DTD1: variants seen among roughly 807,000 people sequenced by gnomAD.
DTD1 encodes the protein D-tyrosyl-tRNA deacylase 1 homolog.
A neutral mutation model predicts 25.6 loss-of-function variants in DTD1; 13 were observed. That is an observed-to-expected ratio of 0.51 (90% CI 0.33 to 0.81). The LOEUF is 0.81. DTD1 is among the 30% of genes least tolerant of loss of function. The pLI is 0.02. For synonymous variants in DTD1, 110 were observed against 103.6 expected (o/e 1.06, Z -0.37); for missense variants, 193 against 266.4 (o/e 0.72, Z 1.92).
chr20:18,617,583 A>G (rs1255766947), intron 3 of DTD1, among the ~76,000 whole-genome samples: 2 of 152,014 alleles, frequency 1.3e-5, no homozygotes, highest in Non-Finnish European at 2.9e-5. Context: ...TTGAATAGGT[A>G]GTAGGATGAG....
In DTD1 at chr20:18,596,029, G is replaced by C. The variant is rs761352624; in HGVS notation, c.158G>C (p.Arg53Pro). 60 of 1,614,126 alleles carry C rather than the reference G, an allele frequency of 3.7e-5. No individual in the cohort carries two copies. Among genetic ancestry groups the C allele is most frequent in the Non-Finnish European group, 4.7e-5 (56 of 1,180,024 alleles). ...EHMVRKILNL[R>P]VFEDESGKHW... ...AGGGTCCGAAAGATTCTAAACCTGCGTGTATTTGAGGATGAGAGTGGGAAG... is the reference window on the plus strand; with the variant it reads ...AGGGTCCGAAAGATTCTAAACCTGCCTGTATTTGAGGATGAGAGTGGGAAG... The change falls in exon 3 of 6, where the codon CGT becomes CCT. Residue 53 changes from arginine to proline, a missense_variant. Coordinates refer to ENST00000377452, the MANE Select transcript of DTD1 (RefSeq NM_080820.6).
At chr20:18,701,429 G>C (rs1250473398) in intron 4 of DTD1, among the ~76,000 whole-genome samples, 1 of 152,232 alleles carries the variant, frequency 6.6e-6, no homozygotes, top group Non-Finnish European at 1.5e-5. Context: ...TCCTTTGCCA[G>C]ACCCTGGCCA....
At position 18,744,081 on chromosome 20, in the gene DTD1, T is replaced by C. The variant is rs1194282318; in HGVS notation, c.478-19T>C. On this transcript the variant is annotated intron_variant, in intron 4 of 5. Coordinates refer to ENST00000377452, the MANE Select transcript of DTD1 (RefSeq NM_080820.6). ...TGTTTGTGTTTGTAAAATATTCTTT[T>C]TTATTTTTATTTAATCAGCTGTCAA... 6 of 1,555,728 alleles carry C rather than the reference T, an allele frequency of 3.9e-6. No homozygotes were observed. The highest frequency in any genetic ancestry group is 1.7e-6 in the Non-Finnish European group (2 of 1,152,550).
At position 18,749,824 on chromosome 20, in the gene DTD1, G is replaced by GA. The variant is rs1248550347; in HGVS notation, c.*19+5555dup. 6.6e-6 allele frequency among the ~76,000 whole-genome samples: 1 copy of GA among 152,232 alleles called. No individual in the cohort carries two copies. Among genetic ancestry groups the GA allele is most frequent in the East Asian group, 1.9e-4 (1 of 5,202 alleles). ...TGAAATGGAGCCTCTGTCTGGTCAGGAACGCCCCTATTGCTACTCAGCGCA... is the reference window on the plus strand; with the variant it reads ...TGAAATGGAGCCTCTGTCTGGTCAGGAAACGCCCCTATTGCTACTCAGCGCA... On this transcript the variant is annotated intron_variant, in intron 5 of 5. Coordinates refer to ENST00000377452, the MANE Select transcript of DTD1 (RefSeq NM_080820.6). The surrounding 1 kb of genome is among the most constrained non-coding windows in gnomAD (Gnocchi z 4.2).
chr20:18,759,214 T>A (rs1234600579), intron 5 of DTD1, among the ~76,000 whole-genome samples: 2 of 152,206 alleles, frequency 1.3e-5, no homozygotes, highest in African/African-American at 4.8e-5. Flanking sequence ...TGTCTTTGAA[T>A]TGGAGCATTT....
chr20:18,592,177 CA>C (rs1484782856), intron 1 of DTD1, among the ~76,000 whole-genome samples: 2 of 152,166 alleles, frequency 1.3e-5, no homozygotes, highest in Non-Finnish European at 2.9e-5. Context: ...AGCAAGCAAA[CA>C]GCAAGAAAAT....
chr20:18,642,208 C>A (rs2060831415), intron 4 of DTD1, among the ~76,000 whole-genome samples: 2 of 152,106 alleles, frequency 1.3e-5, no homozygotes. Context: ...ATAGAAGCCC[C>A]AAAACAGCTG....
chr20:18,734,917 T>G (rs1275802641), intron 4 of DTD1, among the ~76,000 whole-genome samples: 1 of 152,222 alleles, frequency 6.6e-6, no homozygotes, highest in Non-Finnish European at 1.5e-5. Context: ...TCTTGACTTC[T>G]GCGGGGTCTG....
chr20:18,626,312 C>T (rs542405229), intron 3 of DTD1, among the ~76,000 whole-genome samples: 2 of 152,298 alleles, frequency 1.3e-5, no homozygotes, highest in Non-Finnish European at 2.9e-5. Context: ...GGGGCATGGA[C>T]ACCAGTTTTT....
intron 4 of DTD1, chr20:18,675,641 A>G (rs1183782952): frequency 1.3e-5 from 2 of 152,014 alleles, no homozygotes; most frequent in Non-Finnish European, 2.9e-5. Flanking sequence ...AGAAAATAAG[A>G]TCACCTTTAA....
chr20:18,735,428 C>A (rs1294558887), intron 4 of DTD1, among the ~76,000 whole-genome samples: 1 of 152,218 alleles, frequency 6.6e-6, no homozygotes, highest in Non-Finnish European at 1.5e-5. Context: ...AGTCCTGAGA[C>A]CTGGTGCTCC....
At chr20:18,671,763 G>A (rs549287319) in intron 4 of DTD1, among the ~76,000 whole-genome samples, 1 of 152,118 alleles carries the variant, frequency 6.6e-6, no homozygotes, top group Admixed American at 6.5e-5. Context: ...AGCCCCCTTG[G>A]TCCTCACCAG....
At chr20:18,642,279 A>G (rs2060831760) in intron 4 of DTD1, among the ~76,000 whole-genome samples, 1 of 152,060 alleles carries the variant, frequency 6.6e-6, no homozygotes, top group African/African-American at 2.4e-5. Flanking sequence ...TCCATAATTT[A>G]CCAGTTATCC....
chr20:18,690,007 G>T (rs1233217303), intron 4 of DTD1, among the ~76,000 whole-genome samples: 3 of 118,352 alleles, frequency 2.5e-5, no homozygotes, highest in African/African-American at 5.9e-5. Context: ...GTGGTGGTGT[G>T]TGTCTGTACT....
At chr20:18,645,177 A>G (rs192490490) in intron 4 of DTD1, among the ~76,000 whole-genome samples, 1 of 152,282 alleles carries the variant, frequency 6.6e-6, no homozygotes, top group African/African-American at 2.4e-5. Context: ...GAATCAATCA[A>G]TCAATCACCT....
intron 4 of DTD1, among the ~76,000 whole-genome samples, chr20:18,732,736 C>T (rs2061242710): frequency 6.6e-6 from 1 of 152,144 alleles, no homozygotes; most frequent in Admixed American, 6.5e-5. Context: ...GTTTGTCACA[C>T]GTATGGAGTA....
In DTD1 at chr20:18,629,970, A is replaced by G. The variant is rs142626523; in HGVS notation, c.477+1737A>G. Among the ~76,000 whole-genome samples, 245 of 152,180 alleles carry G rather than the reference A, an allele frequency of 1.6e-3. 2 individuals carry two copies. Among genetic ancestry groups the G allele is most frequent in the Admixed American group, 3.2e-3 (49 of 15,272 alleles). On this transcript the variant is annotated intron_variant, in intron 4 of 5. Coordinates refer to ENST00000377452, the MANE Select transcript of DTD1 (RefSeq NM_080820.6). Reference sequence around the variant, plus strand: ...CACCTCCCACCAGGCCCCTCCTCCAATGCTGGGGATTCCAATTCAACATGA... The same window carrying G: ...CACCTCCCACCAGGCCCCTCCTCCAGTGCTGGGGATTCCAATTCAACATGA...
chr20:18,617,928 T>C (rs1480746786), intron 3 of DTD1, among the ~76,000 whole-genome samples: 1 of 152,206 alleles, frequency 6.6e-6, no homozygotes, highest in Non-Finnish European at 1.5e-5. Flanking sequence ...CTTTTTAAAC[T>C]GCTGTGTACT....
chr20:18,619,894 CTGAG>C (rs2060726297), intron 3 of DTD1, among the ~76,000 whole-genome samples: 1 of 152,116 alleles, frequency 6.6e-6, no homozygotes. Flanking sequence ...GCTTTACTAA[CTGAG>C]TTTCTGGCTT....
Sources: allele counts gnomAD v4.1 joint callset (sites outside exome capture counted in the v4.1 genomes callset), GRCh38; gene constraint gnomAD v4.1.1; non-coding constraint Gnocchi (gnomAD v3.1); transcripts MANE v1.5; gene names NCBI Gene and HGNC (gene_info 2026-07-23, HGNC 2026-07-21).